PACS1: variants seen among roughly 807,000 people sequenced by gnomAD.
PACS1 encodes the protein phosphofurin acidic cluster sorting protein 1.
In PACS1, 24 loss-of-function variants were observed where a neutral mutation model predicts 115.0. That is an observed-to-expected ratio of 0.21 (90% CI 0.15 to 0.29). The LOEUF is 0.29. PACS1 is among the 10% of genes least tolerant of loss of function. The probability of loss-of-function intolerance (pLI) is 1.00; values close to 1 mark genes in which losing one functional copy is unlikely to be tolerated. For synonymous variants in PACS1, 453 were observed against 504.5 expected, an observed-to-expected ratio of 0.90 and a Z score of 1.37; for missense variants, 838 against 1,251.2, an observed-to-expected ratio of 0.67 and a Z score of 4.98.
At chr11:66,169,334 C>T (rs1013607662) in intron 1 of PACS1, among the ~76,000 whole-genome samples, 1 of 150,340 alleles carries the variant, frequency 6.7e-6, no homozygotes, top group African/African-American at 2.5e-5. Flanking sequence ...ATGAAGATTA[C>T]AGGCATTGGT....
At chr11:66,082,867 A>G (rs989780234) in intron 1 of PACS1, among the ~76,000 whole-genome samples, 3 of 152,164 alleles carry the variant, frequency 2.0e-5, no homozygotes, top group African/African-American at 7.2e-5. Context: ...AAAAATATAA[A>G]ATAAAATGTC....
chr11:66,120,536 C>G (rs1858414268), intron 1 of PACS1, among the ~76,000 whole-genome samples: 2 of 152,112 alleles, frequency 1.3e-5, no homozygotes, highest in African/African-American at 4.8e-5. Flanking sequence ...GAATTACATG[C>G]AATTATATGA....
In PACS1 at chr11:66,070,566, A is replaced by C; in HGVS notation, c.80A>C (p.Gln27Pro). The change falls in exon 1 of 24, where the codon CAG (glutamine) becomes CCG (proline). Residue 27 changes from glutamine (Q) to proline (P), a missense_variant. This residue lies in a region of PACS1 where 129 missense variants were observed against 109.4 expected (regional missense o/e 1.18). Transcript: ENST00000320580. This position sits in a 1 kb window ranked among gnomAD's most constrained non-coding sequence, Gnocchi z 5.9. ...GGCCAGCGGGGATCCGGGGTCGCCC[A>C]GTCCCCTCAGCAGCCGCCGCCGCAG... ...GSGQRGSGVAQSPQQPPPQQQ... is the reference protein window; with the variant it reads ...GSGQRGSGVAPSPQQPPPQQQ... The C allele has an allele frequency of 6.8e-7, 1 of 1,472,106 alleles. No homozygotes were observed. The allele number at this position is 1,472,106 out of a possible 1,614,324, so 91.2% of individuals were successfully genotyped here. A position where few individuals can be genotyped will look rare whatever the true frequency, so the allele number is the denominator to read the frequency against.
intron 1 of PACS1, among the ~76,000 whole-genome samples, chr11:66,163,350 C>CAAA (rs1231541629): frequency 6.9e-5 from 4 of 57,998 alleles, no homozygotes; most frequent in African/African-American, 1.0e-4. Flanking sequence ...GACCCTGTCT[C>CAAA]AAAAAAAAAA....
chr11:66,090,416 G>A (rs1372501861), intron 1 of PACS1, among the ~76,000 whole-genome samples: 1 of 151,692 alleles, frequency 6.6e-6, no homozygotes, highest in African/African-American at 2.4e-5. Flanking sequence ...GGGACTACAG[G>A]CCCGTGCTGC....
intron 21 of PACS1, among the ~76,000 whole-genome samples, chr11:66,240,170 C>T (rs538145896): frequency 3.3e-5 from 5 of 152,362 alleles, no homozygotes; most frequent in African/African-American, 4.8e-5. Context: ...GAGCTGGAGC[C>T]GGCGCGGGAG....
At chr11:66,178,359 C>T (rs1429008087) in intron 1 of PACS1, among the ~76,000 whole-genome samples, 2 of 152,116 alleles carry the variant, frequency 1.3e-5, no homozygotes, top group African/African-American at 4.8e-5. Flanking sequence ...TGGATGTGTT[C>T]TATTTTCTTA....
intron 1 of PACS1, among the ~76,000 whole-genome samples, chr11:66,155,010 A>G (rs1051214992): frequency 6.6e-6 from 1 of 152,224 alleles, no homozygotes; most frequent in African/African-American, 2.4e-5. Flanking sequence ...ATTTGCAGCA[A>G]AGGTCCTGAG....
chr11:66,072,320 G>GT (rs1233275772), intron 1 of PACS1, among the ~76,000 whole-genome samples: 1 of 152,064 alleles, frequency 6.6e-6, no homozygotes, highest in African/African-American at 2.4e-5. Flanking sequence ...GTTGTTTCCT[G>GT]TTTAACACCC....
chr11:66,143,153 T>C (rs1859037016), intron 1 of PACS1, among the ~76,000 whole-genome samples: 2 of 152,172 alleles, frequency 1.3e-5, no homozygotes, highest in Admixed American at 1.3e-4. Context: ...ATTATAGTGT[T>C]GTCAGGAGTC....
intron 1 of PACS1, among the ~76,000 whole-genome samples, chr11:66,155,800 G>A (rs192508331): frequency 5.5e-4 from 83 of 152,170 alleles, no homozygotes; most frequent in African/African-American, 1.7e-3. Context: ...TATTCATGAC[G>A]GCCAAAGGCT....
At chr11:66,087,314 C>T (rs1590734665) in intron 1 of PACS1, among the ~76,000 whole-genome samples, 2 of 151,936 alleles carry the variant, frequency 1.3e-5, no homozygotes, top group South Asian at 4.2e-4. Context: ...GATCTCTGCT[C>T]ACTGCAACCT....
Position 66,240,768 on chromosome 11 carries a change from C to T in PACS1, c.2430-659C>T, listed in dbSNP as rs1255910336. ...CCAACCCTTTCCTCTACCTCCTTTC[C>T]CTTCCAAGTTAATCTTGTTTTTTAA... On this transcript the variant is annotated intron_variant, in intron 21 of 23. Coordinates refer to ENST00000320580, the MANE Select transcript of PACS1 (RefSeq NM_018026.4). 3.6e-5 allele frequency among the ~76,000 whole-genome samples: 5 copies of T among 139,712 alleles called. No individual in the cohort carries two copies. In the East Asian group the frequency reaches 1.0e-3, roughly 28 times the overall value. 91.7% of individuals were successfully genotyped at this position (139,712 alleles called of 152,430 possible).
chr11:66,137,645 TCTCTTA>T (rs1858878126), intron 1 of PACS1, among the ~76,000 whole-genome samples: 1 of 152,210 alleles, frequency 6.6e-6, no homozygotes, highest in Non-Finnish European at 1.5e-5. Context: ...TTAATAAGCA[TCTCTTA>T]TGTCATTATC....
At chr11:66,099,125 C>G (rs1409849263) in intron 1 of PACS1, among the ~76,000 whole-genome samples, 1 of 152,178 alleles carries the variant, frequency 6.6e-6, no homozygotes, top group Non-Finnish European at 1.5e-5. Flanking sequence ...CTCACTGCAA[C>G]CTCCGCCTCC....
intron 7 of PACS1, chr11:66,217,671 C>A: frequency 2.2e-6 from 1 of 453,626 alleles, no homozygotes; most frequent in Non-Finnish European, 4.4e-6. Flanking sequence ...AACTAGGGAG[C>A]GGGAGGACTG....
In PACS1 at chr11:66,235,272, CAGTT is replaced by C; in HGVS notation, c.2105-25_2105-22del. On this transcript the variant is annotated intron_variant, in intron 17 of 23. Coordinates refer to ENST00000320580, the MANE Select transcript of PACS1 (RefSeq NM_018026.4). This position sits in a 1 kb window ranked among gnomAD's most constrained non-coding sequence, Gnocchi z 5.6. Reference sequence around the variant, plus strand: ...AGGTTTGCCAGCTGAAGTCAGTAGGCAGTTAGTGATCTCTTGGCTTTTCTGCAGA... The same window carrying C: ...AGGTTTGCCAGCTGAAGTCAGTAGGCAGTGATCTCTTGGCTTTTCTGCAGA... The C allele has an allele frequency of 6.4e-7, 1 of 1,550,728 alleles. No individual in the cohort carries two copies. The highest frequency in any genetic ancestry group is 1.1e-5 in the South Asian group (1 of 89,710).
At chr11:66,213,720 T>C (rs1671132021) in intron 4 of PACS1, among the ~76,000 whole-genome samples, 1 of 152,192 alleles carries the variant, frequency 6.6e-6, no homozygotes, top group African/African-American at 2.4e-5. Context: ...TGTTTCTAAT[T>C]CCCTTTTGGA....
intron 1 of PACS1, among the ~76,000 whole-genome samples, chr11:66,123,856 T>TA (rs938248157): frequency 6.6e-6 from 1 of 151,798 alleles, no homozygotes; most frequent in African/African-American, 2.4e-5. Context: ...TTTTTTTTTT[T>TA]AAGACAATGC....
Sources: allele counts gnomAD v4.1 joint callset (sites outside exome capture counted in the v4.1 genomes callset), GRCh38; gene constraint gnomAD v4.1.1; regional missense constraint gnomAD v4.1.1; non-coding constraint Gnocchi (gnomAD v3.1); transcripts MANE v1.5; gene names NCBI Gene and HGNC (gene_info 2026-07-23, HGNC 2026-07-21).